Variants in SPAG16 observed in about 807,000 individuals in gnomAD.
SPAG16 encodes the protein sperm-associated antigen 16 protein.
A neutral mutation model predicts 80.4 loss-of-function variants in SPAG16; 86 were observed. The ratio of observed to expected loss-of-function variants is 1.07; its 90% confidence interval spans 0.90 to 1.28. The LOEUF (loss-of-function observed/expected upper bound fraction) is 1.28, where lower values mean the gene tolerates loss of function less well. Among genes scored for constraint, SPAG16 ranks in the 50% most tolerant of loss-of-function variants. SPAG16 has a pLI of 0.00. For missense variants in SPAG16, 870 were observed against 765.3 expected, an observed-to-expected ratio of 1.14 and a Z score of -1.61; for synonymous variants, 294 against 265.9, an observed-to-expected ratio of 1.11 and a Z score of -1.03.
At chr2:213,663,442 T>C (rs1034830876) in intron 10 of SPAG16, among the ~76,000 whole-genome samples, 1 of 152,118 alleles carries the variant, frequency 6.6e-6, no homozygotes, top group African/African-American at 2.4e-5. Context: ...GTATTTTGTA[T>C]GTAACACTAG....
At chr2:213,838,685 A>T (rs776695395) in intron 10 of SPAG16, among the ~76,000 whole-genome samples, 1 of 152,200 alleles carries the variant, frequency 6.6e-6, no homozygotes, top group Non-Finnish European at 1.5e-5. Flanking sequence ...ATAGACAGAG[A>T]AGACTGAGGA....
At chr2:213,476,296 C>A (rs1202683768) in intron 9 of SPAG16, among the ~76,000 whole-genome samples, 3 of 152,236 alleles carry the variant, frequency 2.0e-5, no homozygotes, top group African/African-American at 7.2e-5. Flanking sequence ...CAGGAGTCTT[C>A]CAGTAATGTC....
intron 15 of SPAG16, among the ~76,000 whole-genome samples, chr2:214,181,443 A>G (rs1175078692): frequency 6.6e-6 from 1 of 151,718 alleles, no homozygotes; most frequent in Non-Finnish European, 1.5e-5. Flanking sequence ...CTTTAGACGT[A>G]GCTTCCTATC....
At chr2:213,883,646 A>T (rs1248844346) in intron 11 of SPAG16, among the ~76,000 whole-genome samples, 1 of 151,900 alleles carries the variant, frequency 6.6e-6, no homozygotes, top group East Asian at 1.9e-4. Context: ...GGTTGTCTAG[A>T]CCTTTTGATA....
At chr2:213,882,290 C>A (rs2076372986) in intron 11 of SPAG16, among the ~76,000 whole-genome samples, 1 of 151,938 alleles carries the variant, frequency 6.6e-6, no homozygotes, top group African/African-American at 2.4e-5. Flanking sequence ...CCCAAAGATC[C>A]TTTTTTTATT....
chr2:213,492,588 A>G (rs201651017), intron 10 of SPAG16, among the ~76,000 whole-genome samples: 1 of 149,518 alleles, frequency 6.7e-6, no homozygotes, highest in South Asian at 2.1e-4. Flanking sequence ...AACAGATACC[A>G]CCCCCTCTAC....
chr2:213,887,419 C>A (rs184545217), intron 11 of SPAG16, among the ~76,000 whole-genome samples: 10 of 151,878 alleles, frequency 6.6e-5, no homozygotes, highest in African/African-American at 2.2e-4. Flanking sequence ...ACTCTCATAT[C>A]GTATTCGTCT....
chr2:214,156,555 G>C (rs2056223522), intron 15 of SPAG16, among the ~76,000 whole-genome samples: 1 of 152,174 alleles, frequency 6.6e-6, no homozygotes, highest in Admixed American at 6.5e-5. Context: ...TGAGGAGAGA[G>C]GATCTCTTGG....
intron 13 of SPAG16, among the ~76,000 whole-genome samples, chr2:214,035,785 T>C (rs1041607848): frequency 6.6e-6 from 1 of 152,120 alleles, no homozygotes; most frequent in Non-Finnish European, 1.5e-5. Context: ...GAAGCCCACA[T>C]CCACAGCCAT....
chr2:213,805,431 T>C (rs548927399), intron 10 of SPAG16, among the ~76,000 whole-genome samples: 267 of 152,314 alleles, frequency 1.8e-3, no homozygotes, highest in African/African-American at 6.2e-3. Context: ...GGCAACTGTC[T>C]TCAAATAGTG....
chr2:213,758,757 G>A (rs942366240), intron 10 of SPAG16, among the ~76,000 whole-genome samples: 2 of 152,100 alleles, frequency 1.3e-5, no homozygotes, highest in East Asian at 1.9e-4. Flanking sequence ...AAGAAACAAC[G>A]GATAGAACCT....
At chr2:213,852,470 T>C (rs1379310476) in intron 10 of SPAG16, among the ~76,000 whole-genome samples, 1 of 152,208 alleles carries the variant, frequency 6.6e-6, no homozygotes, top group Admixed American at 6.5e-5. Flanking sequence ...TCGCTCCCTA[T>C]CCATCCTCAA....
intron 12 of SPAG16, among the ~76,000 whole-genome samples, chr2:213,942,337 G>A (rs1467093729): frequency 6.6e-6 from 1 of 152,136 alleles, no homozygotes; most frequent in Non-Finnish European, 1.5e-5. Flanking sequence ...ACTACAATGT[G>A]AGATGAGTAT....
intron 13 of SPAG16, among the ~76,000 whole-genome samples, chr2:214,019,055 T>C (rs575853410): frequency 3.9e-4 from 53 of 137,414 alleles, no homozygotes; most frequent in Non-Finnish European, 7.6e-4. Context: ...CAGGACTGCA[T>C]GTATTTTTCT....
At chr2:214,185,416 A>C (rs1331763439) in intron 15 of SPAG16, among the ~76,000 whole-genome samples, 2 of 152,106 alleles carry the variant, frequency 1.3e-5, no homozygotes, top group African/African-American at 4.8e-5. Flanking sequence ...TTGGACCAAA[A>C]TAAGAAACAG....
intron 7 of SPAG16, among the ~76,000 whole-genome samples, chr2:213,362,040 G>A (rs2066010469): frequency 6.6e-6 from 1 of 152,198 alleles, no homozygotes; most frequent in Admixed American, 6.5e-5. Flanking sequence ...TACCAGACAA[G>A]GGAGTACCCA....
Position 214,049,271 on chromosome 2 carries a change from G to A in SPAG16, c.1527+35194G>A, listed in dbSNP as rs1466201306. ...TAAATGGAGCTTTGTTGTATTAAAGGAAGTCTTGATCTTGATCACATGAAC... is the reference window on the plus strand; with the variant it reads ...TAAATGGAGCTTTGTTGTATTAAAGAAAGTCTTGATCTTGATCACATGAAC... On this transcript the variant is annotated intron_variant, in intron 13 of 15. Coordinates refer to ENST00000331683, the MANE Select transcript of SPAG16 (RefSeq NM_024532.5). 2.0e-5 allele frequency among the ~76,000 whole-genome samples: 3 copies of A among 152,132 alleles called. No homozygotes were observed. In the East Asian group the frequency reaches 5.8e-4, roughly 29 times the overall value.
At chr2:213,869,313 T>C (rs1373819449) in intron 11 of SPAG16, among the ~76,000 whole-genome samples, 2 of 91,536 alleles carry the variant, frequency 2.2e-5, no homozygotes, top group African/African-American at 3.2e-5. Context: ...ATATAATATG[T>C]ATACACACAC....
intron 9 of SPAG16, among the ~76,000 whole-genome samples, chr2:213,383,040 C>T (rs1393446198): frequency 6.6e-6 from 1 of 152,092 alleles, no homozygotes; most frequent in Non-Finnish European, 1.5e-5. Flanking sequence ...ACATATGGCA[C>T]AGCCCATATG....
Sources: allele counts gnomAD v4.1 joint callset (sites outside exome capture counted in the v4.1 genomes callset), GRCh38; gene constraint gnomAD v4.1.1; transcripts MANE v1.5; gene names NCBI Gene and HGNC (gene_info 2026-07-23, HGNC 2026-07-21).